The following GRIN2A variants were observed in gnomAD, a reference collection of about 807,000 sequenced individuals.
GRIN2A encodes glutamate receptor ionotropic, NMDA 2A.
A neutral mutation model predicts 113.4 loss-of-function variants in GRIN2A; 22 were observed. The ratio of observed to expected loss-of-function variants is 0.19; its 90% CI spans 0.14 to 0.28. The LOEUF (loss-of-function observed/expected upper bound fraction) is 0.28. Ranked by LOEUF, GRIN2A falls within the 10% of genes least tolerant of loss-of-function variation. The pLI, the probability that GRIN2A is intolerant of heterozygous loss-of-function variation, is 1.00. For missense variants in GRIN2A, 1,502 were observed against 1,887.0 expected, an observed-to-expected ratio of 0.80 and a Z score of 3.78; for synonymous variants, 827 against 738.4, an observed-to-expected ratio of 1.12 and a Z score of -1.94.
At chr16:10,126,261 C>T (rs2048934198) in intron 2 of GRIN2A, among the ~76,000 whole-genome samples, 1 of 151,844 alleles carries the variant, frequency 6.6e-6, no homozygotes, top group Non-Finnish European at 1.5e-5. Flanking sequence ...TTCCTAGGCT[C>T]AAGTGATCCT....
intron 2 of GRIN2A, among the ~76,000 whole-genome samples, chr16:10,123,500 A>G (rs1319205069): frequency 1.3e-5 from 2 of 152,312 alleles, no homozygotes. Context: ...TTCTAAGAAC[A>G]CTGATGCTCT....
intron 3 of GRIN2A, among the ~76,000 whole-genome samples, chr16:9,931,619 T>C (rs1198369622): frequency 6.6e-6 from 1 of 152,148 alleles, no homozygotes; most frequent in African/African-American, 2.4e-5. Context: ...CCCAAGGTAA[T>C]CCTTTGGTAA....
intron 11 of GRIN2A, among the ~76,000 whole-genome samples, chr16:9,772,822 G>A (rs1399511478): frequency 1.4e-5 from 2 of 146,052 alleles, no homozygotes; most frequent in Non-Finnish European, 3.0e-5. Flanking sequence ...ACATCATCTC[G>A]ATTCTTTTCA....
intron 11 of GRIN2A, among the ~76,000 whole-genome samples, chr16:9,786,409 A>G (rs1902233799): frequency 6.6e-6 from 1 of 152,304 alleles, no homozygotes; most frequent in South Asian, 2.1e-4. Context: ...GGCCTGAGGC[A>G]TGGACGAGTC....
At position 9,922,598 on chromosome 16, in the gene GRIN2A, C is replaced by T. The variant is rs376617274; in HGVS notation, c.1007+15361G>A. ...ATCAATTCCTGACTGTTCTGAGCAG[C>T]AACTAACCAAGCAAAGAGCCAAATG... On this transcript the variant is annotated intron_variant, in intron 3 of 12. Coordinates refer to ENST00000330684, the MANE Select transcript of GRIN2A (RefSeq NM_001134407.3). 3.9e-5 allele frequency among the ~76,000 whole-genome samples: 6 copies of T among 152,182 alleles called. No homozygotes were observed. In the East Asian group the frequency reaches 7.7e-4, roughly 20 times the overall value.
chr16:9,924,280 C>T (rs1286712219), intron 3 of GRIN2A, among the ~76,000 whole-genome samples: 2 of 152,086 alleles, frequency 1.3e-5, no homozygotes, highest in Non-Finnish European at 2.9e-5. Flanking sequence ...AGATCTGCTG[C>T]TAATTCTTCC....
intron 3 of GRIN2A, among the ~76,000 whole-genome samples, chr16:9,896,407 A>G (rs2043808684): frequency 6.6e-6 from 1 of 152,132 alleles, no homozygotes; most frequent in African/African-American, 2.4e-5. Context: ...CTTTCTTTGG[A>G]TTTACTTAAA....
rs35715098 is a variant in GRIN2A at position 9,860,445 on chromosome 16, C to CAAA, written c.1123-10487_1123-10485dup. On this transcript the variant is annotated intron_variant, in intron 4 of 12. Transcript: ENST00000330684. The stretch of plus-strand genomic sequence containing the variant: ...CCTGGGTGACAGAGCAAGAGTCTCT[C>CAAA]AAAAAAAAAAAAAAAAAAAAAAAAA... Among the ~76,000 whole-genome samples, 302 of 57,658 alleles carry CAAA rather than the reference C, an allele frequency of 5.2e-3. 5 individuals are homozygous for CAAA. Among genetic ancestry groups the CAAA allele is most frequent in the African/African-American group, 9.5e-3 (155 of 16,282 alleles). The allele number at this position is 57,658 out of a possible 152,430, so 37.8% of individuals were successfully genotyped here.
At chr16:10,127,179 C>G (rs1163426317) in intron 2 of GRIN2A, among the ~76,000 whole-genome samples, 1 of 151,656 alleles carries the variant, frequency 6.6e-6, no homozygotes, top group African/African-American at 2.4e-5. Context: ...TTGCAGTGAG[C>G]AGAGATCGTG....
At chr16:9,863,791 G>C (rs72781992) in intron 4 of GRIN2A, among the ~76,000 whole-genome samples, 11,152 of 152,178 alleles carry the variant, frequency 0.073, 670 homozygotes, top group Non-Finnish European at 0.1. Flanking sequence ...GATATTGTTG[G>C]CCAACACAAC....
intron 3 of GRIN2A, among the ~76,000 whole-genome samples, chr16:9,909,412 T>C (rs2044090416): frequency 6.6e-6 from 1 of 152,196 alleles, no homozygotes; most frequent in Non-Finnish European, 1.5e-5. Flanking sequence ...AGTAGATCTT[T>C]CTAGCACAAT....
At chr16:10,065,730 C>T (rs1261755671) in intron 2 of GRIN2A, among the ~76,000 whole-genome samples, 2 of 152,142 alleles carry the variant, frequency 1.3e-5, no homozygotes, top group East Asian at 1.9e-4. Context: ...CAAGTGAATG[C>T]TAAGCTGGAA....
rs2048700072 is a variant in GRIN2A at position 10,114,934 on chromosome 16, GT to G, written c.414+65063del. Among the ~76,000 whole-genome samples the G allele has an allele frequency of 2.0e-5, 3 of 152,262 alleles. 1 individual carries two copies. Among genetic ancestry groups the G allele is most frequent in the Non-Finnish European group, 4.4e-5 (3 of 68,020 alleles). On this transcript the variant is annotated intron_variant, in intron 2 of 12. Coordinates refer to ENST00000330684, the MANE Select transcript of GRIN2A (RefSeq NM_001134407.3). The stretch of plus-strand genomic sequence containing the variant: ...ATTTCACTTAAAATTCCAATTTTCA[GT>G]TTCTTCCTGAAAACATGGAAGAACT...
At chr16:9,841,420 C>A (rs2042677794) in intron 5 of GRIN2A, among the ~76,000 whole-genome samples, 1 of 152,158 alleles carries the variant, frequency 6.6e-6, no homozygotes, top group South Asian at 2.1e-4. Flanking sequence ...ACCCATTAAA[C>A]AGGTAAAAAT....
At chr16:10,057,307 A>G (rs771585387) in intron 2 of GRIN2A, among the ~76,000 whole-genome samples, 5 of 152,166 alleles carry the variant, frequency 3.3e-5, no homozygotes, top group Admixed American at 6.5e-5. Context: ...TGGGCTTGCT[A>G]TGCAAACTGA....
chr16:9,829,389 C>A, intron 9 of GRIN2A, 34 bp downstream of exon 9: 1 of 1,403,318 alleles, frequency 7.1e-7, no homozygotes, highest in Non-Finnish European at 1.0e-6. Flanking sequence ...TTAAGACCAA[C>A]CCTCAGATGG....
intron 2 of GRIN2A, among the ~76,000 whole-genome samples, chr16:10,094,068 G>C (rs1484657024): frequency 6.6e-6 from 1 of 152,152 alleles, no homozygotes; most frequent in Non-Finnish European, 1.5e-5. Context: ...CTGGCTGTCA[G>C]AAAAATAATC....
At chr16:10,077,597 C>T (rs1301093002) in intron 2 of GRIN2A, among the ~76,000 whole-genome samples, 2 of 152,204 alleles carry the variant, frequency 1.3e-5, no homozygotes, top group South Asian at 2.1e-4. Context: ...TTATCTGCCC[C>T]AAACCCTGCA....
intron 2 of GRIN2A, among the ~76,000 whole-genome samples, chr16:10,090,985 A>G (rs1390555290): frequency 2.6e-5 from 4 of 152,168 alleles, no homozygotes; most frequent in African/African-American, 7.2e-5. Flanking sequence ...TAAAACCACA[A>G]TGAGATTCCA....
Sources: allele counts gnomAD v4.1 joint callset (sites outside exome capture counted in the v4.1 genomes callset), GRCh38; gene constraint gnomAD v4.1.1; transcripts MANE v1.5; gene names NCBI Gene and HGNC (gene_info 2026-07-23, HGNC 2026-07-21).